The following SCUBE2 variants were observed in gnomAD, a reference collection of about 807,000 sequenced individuals.
The protein encoded by SCUBE2 is signal peptide, CUB domain and EGF like domain containing 2, also known as signal peptide, CUB and EGF-like domain-containing protein 2.
A neutral mutation model predicts 125.9 loss-of-function variants in SCUBE2; 114 were observed. That is an observed-to-expected ratio of 0.91 (90% confidence interval 0.78 to 1.06). The LOEUF is 1.06. Among genes scored for constraint, SCUBE2 ranks in the 50% least tolerant of loss-of-function variants. The pLI, the probability that SCUBE2 is intolerant of heterozygous loss-of-function variation, is 0.00. For synonymous variants in SCUBE2, 459 were observed against 492.9 expected, an observed-to-expected ratio of 0.93 and a Z score of 0.91; for missense variants, 1,255 against 1,301.8, an observed-to-expected ratio of 0.96 and a Z score of 0.55.
At chr11:9,058,630 A>AT (rs1859352759) in intron 9 of SCUBE2, among the ~76,000 whole-genome samples, 3 of 127,156 alleles carry the variant, frequency 2.4e-5, no homozygotes, top group Admixed American at 8.2e-5. Context: ...AAAAAAAAAA[A>AT]TTCAGAAATT....
chr11:9,066,653 C>T, intron 6 of SCUBE2, 44 bp downstream of exon 6: 1 of 1,485,798 alleles, frequency 6.7e-7, no homozygotes, highest in South Asian at 1.1e-5. Context: ...TAGGGACAGG[C>T]AGGCTGGTGC....
At chr11:9,054,991 C>A (rs953426822) in intron 10 of SCUBE2, among the ~76,000 whole-genome samples, 2 of 151,910 alleles carry the variant, frequency 1.3e-5, no homozygotes, top group African/African-American at 4.8e-5. Flanking sequence ...GCCTTGGCCT[C>A]CCAAAGTTCT....
chr11:9,072,194 T>C (rs1860853571), intron 4 of SCUBE2, among the ~76,000 whole-genome samples: 1 of 151,192 alleles, frequency 6.6e-6, no homozygotes, highest in Non-Finnish European at 1.5e-5. Context: ...GGTTTTGTTT[T>C]GTTTTGGTTT....
intron 17 of SCUBE2, among the ~76,000 whole-genome samples, chr11:9,032,295 T>A (rs184419208): frequency 1.3e-4 from 20 of 152,224 alleles, no homozygotes; most frequent in East Asian, 1.2e-3. Context: ...TTGTTTTTTT[T>A]AATTTTTTTC....
chr11:9,031,139 A>G (rs1566169030), intron 17 of SCUBE2: 1 of 447,518 alleles, frequency 2.2e-6, no homozygotes, highest in East Asian at 3.6e-5. Context: ...TACACAGCAC[A>G]GTGCAAAGAT....
chr11:9,023,787 T>G (rs183561823), intron 21 of SCUBE2, among the ~76,000 whole-genome samples: 1 of 152,262 alleles, frequency 6.6e-6, no homozygotes, highest in East Asian at 1.9e-4. Flanking sequence ...CAAGTCTACT[T>G]TATGGAGTGA....
intron 9 of SCUBE2, among the ~76,000 whole-genome samples, chr11:9,058,424 C>T (rs1222841107): frequency 6.6e-6 from 1 of 151,652 alleles, no homozygotes; most frequent in Non-Finnish European, 1.5e-5. Context: ...AGGGAAACCC[C>T]GTCTCTACTA....
chr11:9,068,344 A>C (rs928090171), intron 5 of SCUBE2, among the ~76,000 whole-genome samples: 1 of 152,186 alleles, frequency 6.6e-6, no homozygotes, highest in Non-Finnish European at 1.5e-5. Flanking sequence ...TTGTTACTAC[A>C]ATCGTGGTGC....
Position 9,050,556 on chromosome 11 carries a change from C to A in SCUBE2, c.1639+50G>T, listed in dbSNP as rs3751053. ...ACCTCCAGCTCGGCTGGCTGCAGGC[C>A]CCTTCCCACATGCAGGCAAGCTCCC... On this transcript the variant is annotated intron_variant, in intron 14 of 22. Coordinates refer to ENST00000649792, the MANE Select transcript of SCUBE2 (RefSeq NM_001367977.2). 13,711 of 1,445,356 alleles carry A rather than the reference C, an allele frequency of 9.5e-3. 486 individuals carry two copies. The highest frequency in any genetic ancestry group is 0.082 in the East Asian group (3,591 of 44,022). 89.5% of individuals were successfully genotyped at this position (1,445,356 alleles called of 1,614,324 possible). A position where few individuals can be genotyped will look rare whatever the true frequency, so the allele number is the denominator to read the frequency against.
At chr11:9,066,295 T>C (rs1860225256) in intron 6 of SCUBE2, among the ~76,000 whole-genome samples, 1 of 152,188 alleles carries the variant, frequency 6.6e-6, no homozygotes, top group Non-Finnish European at 1.5e-5. Context: ...ACCTCTAAAA[T>C]GGAGCTAGTG....
At chr11:9,053,546 G>A (rs1247651106) in intron 11 of SCUBE2, 91 bp downstream of exon 11, 11 of 1,453,176 alleles carry the variant, frequency 7.6e-6, no homozygotes, top group African/African-American at 1.4e-5. Context: ...GTGGAGGGAC[G>A]GTCAGGTGGG....
chr11:9,073,237 G>A (rs1860952367), intron 4 of SCUBE2, among the ~76,000 whole-genome samples: 1 of 152,146 alleles, frequency 6.6e-6, no homozygotes, highest in Non-Finnish European at 1.5e-5. Flanking sequence ...AATGACCCCA[G>A]AGAACCTGGC....
At chr11:9,029,061 G>C (rs186869565) in intron 19 of SCUBE2, among the ~76,000 whole-genome samples, 4 of 152,074 alleles carry the variant, frequency 2.6e-5, no homozygotes, top group African/African-American at 7.3e-5. Flanking sequence ...TCCAGTTTAG[G>C]GGGGGCCTCC....
intron 9 of SCUBE2, among the ~76,000 whole-genome samples, chr11:9,057,733 G>A (rs1317559695): frequency 4.0e-5 from 6 of 151,896 alleles, no homozygotes; most frequent in Non-Finnish European, 8.8e-5. Flanking sequence ...GGGTTTTGCC[G>A]TGTTGGCCAG....
intron 5 of SCUBE2, 78 bp from the exon 6 acceptor site, chr11:9,066,891 T>C: frequency 8.2e-7 from 1 of 1,219,796 alleles, no homozygotes; most frequent in East Asian, 2.4e-5. Flanking sequence ...AGAGAAATTC[T>C]GATTTTCATT....
chr11:9,047,772 G>C (rs1317325851), intron 15 of SCUBE2, among the ~76,000 whole-genome samples, 171 bp downstream of exon 15: 1 of 152,146 alleles, frequency 6.6e-6, no homozygotes, highest in East Asian at 1.9e-4. Flanking sequence ...TTATGAAGCA[G>C]AGAAAACCAT....
Position 9,052,287 on chromosome 11 carries a change from C to T in SCUBE2, c.1534+459G>A, listed in dbSNP as rs139585161. Among the ~76,000 whole-genome samples the T allele has an allele frequency of 1.3e-3, 204 of 152,328 alleles. 1 individual carries two copies. The highest frequency in any genetic ancestry group is 2.1e-3 in the Non-Finnish European group (143 of 68,034). On this transcript the variant is annotated intron_variant, in intron 13 of 22. Transcript: ENST00000649792. ...ACATAATGACAAAGGCGTCTATATC[C>T]GGGAGGACACAGCCTCCTAAAAACC...
At chr11:9,076,489 C>T (rs931642941) in intron 3 of SCUBE2, among the ~76,000 whole-genome samples, 1 of 151,856 alleles carries the variant, frequency 6.6e-6, no homozygotes, top group African/African-American at 2.4e-5. Context: ...CCCTGGAATA[C>T]AGCAGGCGCT....
intron 7 of SCUBE2, among the ~76,000 whole-genome samples, chr11:9,065,326 G>C (rs972343675): frequency 6.6e-6 from 1 of 152,140 alleles, no homozygotes; most frequent in African/African-American, 2.4e-5. Context: ...GATAGAGTGA[G>C]ATCATGAGAT....
Sources: gnomAD v4.1 joint callset for allele counts (sites outside exome capture counted in the v4.1 genomes callset) on GRCh38, gnomAD v4.1.1 for gene constraint, MANE v1.5 for transcripts, NCBI Gene and HGNC (gene_info 2026-07-23, HGNC 2026-07-21) for gene names.